LEKR1: variants seen among roughly 807,000 people sequenced by gnomAD.
LEKR1 encodes the protein leucine, glutamate and lysine rich 1.
A neutral mutation model predicts 72.4 loss-of-function variants in LEKR1; 59 were observed. The observed-to-expected ratio is 0.82, with a 90% confidence interval of 0.66 to 1.01. The LOEUF (loss-of-function observed/expected upper bound fraction) is 1.01, where lower values mean the gene tolerates loss of function less well. Among genes scored for constraint, LEKR1 ranks in the 50% least tolerant of loss-of-function variants. The probability of loss-of-function intolerance (pLI) is 0.00; values close to 1 mark genes in which losing one functional copy is unlikely to be tolerated. For missense variants in LEKR1, 728 were observed against 759.2 expected (o/e 0.96, Z 0.48); for synonymous variants, 257 against 263.2 (o/e 0.98, Z 0.23).
intron 12 of LEKR1, 80 bp downstream of exon 12, chr3:157,028,482 C>G: frequency 8.0e-7 from 1 of 1,242,442 alleles, no homozygotes; most frequent in South Asian, 1.6e-5. Flanking sequence ...ACGTGAAAGG[C>G]AGCTTAGTTT....
At chr3:157,015,010 G>A (rs545685996) in intron 10 of LEKR1, among the ~76,000 whole-genome samples, 31 of 152,206 alleles carry the variant, frequency 2.0e-4, no homozygotes, top group Non-Finnish European at 2.8e-4. Flanking sequence ...GTGAGGAAAC[G>A]ATAGAAAACA....
chr3:156,927,660 A>C, intron 5 of LEKR1, 56 bp downstream of exon 5: 1 of 650,900 alleles, frequency 1.5e-6, no homozygotes, highest in Non-Finnish European at 2.2e-6. Flanking sequence ...GGTACATCAT[A>C]AGTAATAAAA....
intron 6 of LEKR1, among the ~76,000 whole-genome samples, chr3:156,976,955 C>T (rs1025642194): frequency 7.9e-5 from 12 of 152,136 alleles, no homozygotes; most frequent in South Asian, 2.1e-4. Flanking sequence ...TTTTCAGACC[C>T]GGGAAGGCTT....
At chr3:156,846,087 A>ATATG (rs1714553039) in intron 2 of LEKR1, among the ~76,000 whole-genome samples, 1 of 152,116 alleles carries the variant, frequency 6.6e-6, no homozygotes, top group Admixed American at 6.5e-5. Flanking sequence ...AAATATATAT[A>ATATG]TATGTATGTA....
chr3:156,889,756 C>T (rs1720470030), intron 3 of LEKR1, among the ~76,000 whole-genome samples: 1 of 152,188 alleles, frequency 6.6e-6, no homozygotes, highest in African/African-American at 2.4e-5. Context: ...TTCCCCACTC[C>T]TCAATTCCTA....
rs1720106365 is a variant in LEKR1 at position 156,886,541 on chromosome 3, G to T, written c.263+33559G>T. On this transcript the variant is annotated intron_variant, in intron 3 of 12. Coordinates refer to ENST00000356539, the MANE Select transcript of LEKR1 (RefSeq NM_001004316.3). ...GCTTCCCACTCCAATTCTGCTGGCT[G>T]CCTTCCCCAAGGGTCCCTGTCAGAT... Among the ~76,000 whole-genome samples, 11 of 152,240 alleles carry T rather than the reference G, an allele frequency of 7.2e-5. No individual in the cohort carries two copies. The South Asian group carries it at 2.3e-3, about 32-fold the overall frequency.
At chr3:156,853,019 TGAAAG>T in intron 3 of LEKR1, 37 bp downstream of exon 3, 1 of 1,340,666 alleles carries the variant, frequency 7.5e-7, no homozygotes, top group South Asian at 1.3e-5. Context: ...TTTATTTAGT[TGAAAG>T]ACAGCTACAG....
intron 5 of LEKR1, among the ~76,000 whole-genome samples, chr3:156,930,165 G>A (rs1363537687): frequency 6.6e-6 from 1 of 151,860 alleles, no homozygotes; most frequent in Non-Finnish European, 1.5e-5. Flanking sequence ...ATAGCACATT[G>A]CATTTACAGA....
chr3:156,884,724 C>A (rs747983135), intron 3 of LEKR1, among the ~76,000 whole-genome samples: 7 of 152,122 alleles, frequency 4.6e-5, no homozygotes, highest in Non-Finnish European at 1.0e-4. Flanking sequence ...TTTCCTTCAT[C>A]TTGACTTTAG....
At chr3:156,951,489 G>GATTTTTTTTTGGTTTTTTTTT (rs1727151392) in intron 6 of LEKR1, among the ~76,000 whole-genome samples, 2 of 151,350 alleles carry the variant, frequency 1.3e-5, no homozygotes, top group Admixed American at 6.6e-5. Context: ...TCAGCTCCTG[G>GATTTTTTTTTGGTTTTTTTTT]GGTTTTTTTT....
chr3:156,860,205 T>C (rs778836490), intron 3 of LEKR1, among the ~76,000 whole-genome samples: 30 of 152,208 alleles, frequency 2.0e-4, no homozygotes, highest in Non-Finnish European at 4.0e-4. Context: ...AATTAAATAT[T>C]ATTTTGAGTA....
At chr3:156,945,517 C>A (rs1576875720) in intron 6 of LEKR1, among the ~76,000 whole-genome samples, 1 of 151,626 alleles carries the variant, frequency 6.6e-6, no homozygotes, top group African/African-American at 2.4e-5. Flanking sequence ...ACTCAAGAAA[C>A]TTTTGCCTAG....
chr3:157,014,112 A>G (rs1733117009), intron 10 of LEKR1, among the ~76,000 whole-genome samples: 2 of 152,114 alleles, frequency 1.3e-5, no homozygotes, highest in African/African-American at 4.8e-5. Flanking sequence ...TAAATGTACA[A>G]TATTGTTACT....
chr3:156,863,950 G>C (rs1191448019), intron 3 of LEKR1, among the ~76,000 whole-genome samples: 2 of 152,034 alleles, frequency 1.3e-5, no homozygotes, highest in Admixed American at 6.6e-5. Context: ...TGACAGAACT[G>C]TTAGGGAAGC....
At position 156,860,346 on chromosome 3, in the gene LEKR1, C is replaced by T. The variant is rs148148327; in HGVS notation, c.263+7364C>T. Among the ~76,000 whole-genome samples the T allele has an allele frequency of 7.9e-5, 12 of 152,252 alleles. No individual in the cohort carries two copies. In the East Asian group the frequency reaches 1.9e-3, roughly 24 times the overall value. ...AACATTTCCTCTTCAGTTTCTCCTC[C>T]GCTTATGCCAAATTGAGACTGTCAT... is the stretch of plus-strand genomic sequence containing the variant. On this transcript the variant is annotated intron_variant, in intron 3 of 12. Transcript: ENST00000356539.
chr3:156,920,778 A>G, intron 4 of LEKR1, 84 bp downstream of exon 4: 3 of 755,698 alleles, frequency 4.0e-6, no homozygotes, highest in South Asian at 4.2e-5. Flanking sequence ...CATTTTAGTA[A>G]TATGGTTTCT....
intron 7 of LEKR1, chr3:156,988,474 GA>G: frequency 5.2e-6 from 1 of 193,658 alleles, no homozygotes; most frequent in Non-Finnish European, 1.2e-5. Context: ...CCTTACCCAC[GA>G]AAATTCCTGT....
intron 2 of LEKR1, among the ~76,000 whole-genome samples, chr3:156,850,705 G>A (rs1380904385): frequency 6.6e-6 from 1 of 152,258 alleles, no homozygotes; most frequent in East Asian, 1.9e-4. Context: ...TACCAGCTTG[G>A]GCTTGGTTCT....
intron 5 of LEKR1, among the ~76,000 whole-genome samples, chr3:156,932,610 G>C (rs1370974008): frequency 6.6e-6 from 1 of 151,492 alleles, no homozygotes; most frequent in Non-Finnish European, 1.5e-5. Context: ...CTACTTGGGA[G>C]GCTGAGGCAT....
Sources: gnomAD v4.1 joint callset for allele counts (sites outside exome capture counted in the v4.1 genomes callset) on GRCh38, gnomAD v4.1.1 for gene constraint, MANE v1.5 for transcripts, NCBI Gene and HGNC (gene_info 2026-07-23, HGNC 2026-07-21) for gene names.